The following NRXN3 variants were observed in gnomAD, a reference collection of about 807,000 sequenced individuals.
The protein encoded by NRXN3 is neurexin III.
In NRXN3, 32 loss-of-function variants were observed where a neutral mutation model predicts 137.6. The ratio of observed to expected loss-of-function variants is 0.23; its 90% confidence interval spans 0.18 to 0.31. The LOEUF (loss-of-function observed/expected upper bound fraction) is 0.31, where lower values mean the gene tolerates loss of function less well. Ranked by LOEUF, NRXN3 falls within the 10% of genes least tolerant of loss-of-function variation. The pLI, the probability that NRXN3 is intolerant of heterozygous loss-of-function variation, is 1.00. For missense variants in NRXN3, 1,574 were observed against 2,062.5 expected (o/e 0.76, Z 4.59); for synonymous variants, 798 against 784.5 (o/e 1.02, Z -0.29).
chr14:78,928,000 A>C (rs2099310826), intron 10 of NRXN3, among the ~76,000 whole-genome samples: 1 of 152,178 alleles, frequency 6.6e-6, no homozygotes, highest in Non-Finnish European at 1.5e-5. Flanking sequence ...GTAGATAAAT[A>C]CAACAGCTTC....
chr14:79,569,978 C>T (rs2097584699), intron 16 of NRXN3, among the ~76,000 whole-genome samples: 1 of 152,154 alleles, frequency 6.6e-6, no homozygotes, highest in South Asian at 2.1e-4. Flanking sequence ...GGGATACACC[C>T]TTCGGTGTCC....
chr14:79,306,593 T>C (rs902835682), intron 15 of NRXN3, among the ~76,000 whole-genome samples: 8 of 152,142 alleles, frequency 5.3e-5, no homozygotes, highest in Admixed American at 1.3e-4. Context: ...CATGATCTTA[T>C]CCTCATTTCC....
chr14:78,175,935 G>A (rs943631650), intron 1 of NRXN3, among the ~76,000 whole-genome samples: 5 of 152,092 alleles, frequency 3.3e-5, no homozygotes, highest in East Asian at 1.9e-4. Context: ...GATGGATCTC[G>A]TCTCTTTACC....
intron 17 of NRXN3, among the ~76,000 whole-genome samples, chr14:79,668,767 C>G (rs528499238): frequency 2.6e-5 from 4 of 151,964 alleles, no homozygotes; most frequent in African/African-American, 4.8e-5. Flanking sequence ...ACTTTTACCC[C>G]CTGGATGCCA....
chr14:78,861,646 A>G (rs1423548691), intron 10 of NRXN3, among the ~76,000 whole-genome samples: 1 of 152,156 alleles, frequency 6.6e-6, no homozygotes, highest in African/African-American at 2.4e-5. Context: ...CTGTGCTGTC[A>G]TAGAGAAACC....
intron 15 of NRXN3, among the ~76,000 whole-genome samples, chr14:79,213,403 A>T (rs1216301923): frequency 1.3e-5 from 2 of 152,156 alleles, no homozygotes; most frequent in African/African-American, 4.8e-5. Context: ...CATGAAATCA[A>T]CATAAATTTA....
At chr14:79,716,033 T>A (rs1273546084) in intron 19 of NRXN3, among the ~76,000 whole-genome samples, 2 of 152,170 alleles carry the variant, frequency 1.3e-5, no homozygotes, top group Non-Finnish European at 2.9e-5. Flanking sequence ...TAAAGATAGG[T>A]CATTCCAAGA....
intron 15 of NRXN3, among the ~76,000 whole-genome samples, chr14:79,332,015 G>C (rs913474607): frequency 6.6e-6 from 1 of 152,184 alleles, no homozygotes; most frequent in African/African-American, 2.4e-5. Flanking sequence ...GTATCTTATA[G>C]TGTTAGCAAT....
intron 15 of NRXN3, among the ~76,000 whole-genome samples, chr14:79,022,362 C>T (rs1457340565): frequency 1.3e-5 from 2 of 152,018 alleles, no homozygotes; most frequent in Admixed American, 6.6e-5. Flanking sequence ...AAATTGGTCT[C>T]CTAGGTGTGT....
At chr14:78,808,995 G>A (rs1053328657) in intron 9 of NRXN3, among the ~76,000 whole-genome samples, 1 of 151,734 alleles carries the variant, frequency 6.6e-6, no homozygotes. Flanking sequence ...AGTATCTAAC[G>A]GTAAACAAAT....
intron 4 of NRXN3, among the ~76,000 whole-genome samples, chr14:78,509,848 T>C (rs2096068559): frequency 6.6e-6 from 1 of 152,050 alleles, no homozygotes; most frequent in African/African-American, 2.4e-5. Flanking sequence ...AACCTTTGGA[T>C]GAAGAAAGTG....
chr14:79,854,672 C>G (rs2099398842), intron 20 of NRXN3, among the ~76,000 whole-genome samples: 1 of 152,090 alleles, frequency 6.6e-6, no homozygotes, highest in African/African-American at 2.4e-5. Context: ...TTGTTTCCAG[C>G]CAGTGGGAGG....
intron 4 of NRXN3, among the ~76,000 whole-genome samples, chr14:78,462,354 C>T (rs1416542089): frequency 6.6e-6 from 1 of 152,154 alleles, no homozygotes; most frequent in African/African-American, 2.4e-5. Flanking sequence ...CACCAGGTGC[C>T]ACATCATTCT....
chr14:79,739,518 T>A (rs2098953235), intron 19 of NRXN3, among the ~76,000 whole-genome samples: 1 of 151,432 alleles, frequency 6.6e-6, no homozygotes, highest in Non-Finnish European at 1.5e-5. Flanking sequence ...GTGGTGGGCA[T>A]CTGTAACGCC....
intron 19 of NRXN3, among the ~76,000 whole-genome samples, chr14:79,753,566 GT>G (rs1247696733): frequency 1.0e-5 from 1 of 97,090 alleles, no homozygotes; most frequent in Non-Finnish European, 1.9e-5. Flanking sequence ...TCTGGGGACT[GT>G]TGTGGGGTGG....
At chr14:79,457,507 A>G (rs984737606) in intron 15 of NRXN3, among the ~76,000 whole-genome samples, 2 of 152,162 alleles carry the variant, frequency 1.3e-5, no homozygotes, top group Admixed American at 6.5e-5. Flanking sequence ...AGAAGCATGG[A>G]CTTTAATAGT....
At chr14:78,818,915 G>A (rs1055775385) in intron 10 of NRXN3, among the ~76,000 whole-genome samples, 2 of 152,220 alleles carry the variant, frequency 1.3e-5, no homozygotes, top group South Asian at 2.1e-4. Context: ...AAATCCAGAT[G>A]AGTCTCTTAT....
At chr14:79,083,761 G>A (rs751670471) in intron 15 of NRXN3, among the ~76,000 whole-genome samples, 2 of 152,216 alleles carry the variant, frequency 1.3e-5, no homozygotes, top group Non-Finnish European at 2.9e-5. Context: ...CTGTAGAGAA[G>A]TGTAGGAAAA....
intron 18 of NRXN3, among the ~76,000 whole-genome samples, chr14:79,693,383 G>A (rs753457310): frequency 1.3e-5 from 2 of 151,934 alleles, no homozygotes; most frequent in Non-Finnish European, 2.9e-5. Flanking sequence ...CTCACGGAGT[G>A]TTAACTGTTT....
Sources: allele counts gnomAD v4.1 joint callset (sites outside exome capture counted in the v4.1 genomes callset), GRCh38; gene constraint gnomAD v4.1.1; transcripts MANE v1.5; gene names NCBI Gene and HGNC (gene_info 2026-07-23, HGNC 2026-07-21).